Variants in SCNN1D observed in about 807,000 individuals in gnomAD.
The protein encoded by SCNN1D is sodium channel epithelial 1 subunit delta.
Under a neutral mutation model 87.8 loss-of-function variants are expected in SCNN1D, and 104 were observed. The observed-to-expected ratio is 1.18, with a 90% CI of 1.01 to 1.39. The LOEUF is 1.39. Among genes scored for constraint, SCNN1D ranks in the 40% most tolerant of loss-of-function variants. The pLI is 0.00. For synonymous variants in SCNN1D, 628 were observed against 481.2 expected (o/e 1.31, Z -3.99); for missense variants, 1,324 against 1,093.9 (o/e 1.21, Z -2.97).
Position 1,291,940 on chromosome 1 carries a change from T to G in SCNN1D, c.*330T>G. ...TGCACCTGTGTACGTGTGTCAAGCC[T>G]AGCCACCTCAGCTGCAGGGAGGCAG... On this transcript the variant is annotated 3_prime_UTR_variant, in exon 18 of 18. Coordinates refer to ENST00000379116, the MANE Select transcript of SCNN1D (RefSeq NM_001130413.4). 4.4e-6 allele frequency: 1 copy of G among 225,460 alleles called. No individual in the cohort carries two copies. Among genetic ancestry groups the G allele is most frequent in the Non-Finnish European group, 8.7e-6 (1 of 114,500 alleles). The allele number at this position is 225,460 out of a possible 1,614,324, so 14.0% of individuals were successfully genotyped here.
rs184736558 is a variant in SCNN1D at position 1,291,843 on chromosome 1, C to T, written c.*233C>T. 4.3e-4 allele frequency: 187 copies of T among 434,534 alleles called. No homozygotes were observed. The highest frequency in any genetic ancestry group is 1.5e-3 in the African/African-American group (73 of 49,372). The allele number at this position is 434,534 out of a possible 1,614,324, so 26.9% of individuals were successfully genotyped here. ...GGGGGTTCCCGCGTGCACACGAGTG[C>T]GGCTGGACGTGCCGACACGCGGTGA... On this transcript the variant is annotated 3_prime_UTR_variant, in exon 18 of 18. Transcript: ENST00000379116.
chr1:1,291,180 C>G, intron 17 of SCNN1D, 40 bp downstream of exon 17: 28 of 1,598,870 alleles, frequency 1.8e-5, no homozygotes, highest in Non-Finnish European at 2.4e-5. Flanking sequence ...GCGGGGGCAG[C>G]GACAGTGGCT....
At position 1,285,648 on chromosome 1, in the gene SCNN1D, C is replaced by A; in HGVS notation, c.542C>A (p.Ala181Asp). ...WQHRPTQHNA[A>D]CKQGQAAAQT... ...CACAGACCCACTCAGCACAACGCTG[C>A]CTGCAAACAGGGCCAGGTAGGGCCT... Residue 181 changes from alanine to aspartate, a missense_variant, in exon 6 of 18, where the codon GCC (alanine) becomes GAC (aspartate). Transcript: ENST00000379116. 1 of 1,545,858 alleles carries A rather than the reference C, an allele frequency of 6.5e-7. No individual in the cohort carries two copies.
In SCNN1D at chr1:1,291,258, C is replaced by G. The variant is rs898251425; in HGVS notation, c.2057C>G (p.Pro686Arg). 1.3e-6 allele frequency: 2 copies of G among 1,558,268 alleles called. No homozygotes were observed. The highest frequency in any genetic ancestry group is 1.7e-6 in the Non-Finnish European group (2 of 1,152,928). The change falls in exon 18 of 18, where the codon CCG becomes CGG. Residue 686 changes from proline (P) to arginine (R), a missense_variant. Coordinates refer to ENST00000379116, the MANE Select transcript of SCNN1D (RefSeq NM_001130413.4). The stretch of plus-strand genomic sequence containing the variant: ...ACACCCGCACCCCACCCGCAGGTGC[C>G]GCAGCTGCTCTCGGCCATGGGCAGC... ...SVEEAPVYSV[P>R]QLLSAMGSLC...
intron 4 of SCNN1D, 110 bp from the exon 5 acceptor site, chr1:1,283,868 T>C: frequency 1.9e-6 from 1 of 535,648 alleles, no homozygotes. Context: ...GATGGGCATC[T>C]CTGTCCCCCA....
At chr1:1,284,900 G>A (rs560603475) in intron 5 of SCNN1D, among the ~76,000 whole-genome samples, 2 of 152,272 alleles carry the variant, frequency 1.3e-5, no homozygotes, top group South Asian at 4.1e-4. Context: ...TGGCCCTCCA[G>A]ACCCCAATCC....
intron 12 of SCNN1D, 150 bp downstream of exon 12, chr1:1,288,187 G>C (rs1390695267): frequency 3.2e-6 from 2 of 628,378 alleles, no homozygotes; most frequent in Non-Finnish European, 5.5e-6. Context: ...CATCCCCCGT[G>C]TCCCCGCTCC....
intron 12 of SCNN1D, 49 bp downstream of exon 12, chr1:1,288,086 C>T (rs1570607932): frequency 4.0e-6 from 4 of 999,660 alleles, no homozygotes; most frequent in South Asian, 2.1e-5. Context: ...GCTGGGCTGG[C>T]CAGGGGGTGT....
rs370866963 is a variant in SCNN1D, at chr1:1,287,968, C to G, written c.1593C>G (p.Tyr531Ter). The G allele has an allele frequency of 1.6e-5, 24 of 1,546,690 alleles. No individual in the cohort carries two copies. Among genetic ancestry groups the G allele is most frequent in the Non-Finnish European group, 2.1e-5 (24 of 1,145,146 alleles). Residue 531 changes from tyrosine to a stop codon, truncating the protein, a stop_gained, in exon 12 of 18, where the codon TAC becomes TAG. Coordinates refer to ENST00000379116, the MANE Select transcript of SCNN1D (RefSeq NM_001130413.4). LOFTEE classifies it high-confidence loss of function. ...AGGTGCACCGGCTCGGGAGCCCCTA[C>G]GGCCACTGCACCGCCGGCGGGGAAG... ...EDEVHRLGSP[Y>*]GHCTAGGEGV...
chr1:1,282,042 G>C, intron 3 of SCNN1D, 200 bp from the exon 4 acceptor site: 1 of 596,400 alleles, frequency 1.7e-6, no homozygotes, highest in Non-Finnish European at 3.1e-6. Context: ...GCCCAGATGT[G>C]GTGGGGGAGA....
At position 1,290,912 on chromosome 1, in the gene SCNN1D, G is replaced by T. The variant is rs2273276; in HGVS notation, c.1935G>T (p.Thr645=). The T allele has an allele frequency of 1.2e-6, 2 of 1,609,516 alleles. No homozygotes were observed. Among genetic ancestry groups the T allele is most frequent in the African/African-American group, 1.3e-5 (1 of 74,866 alleles). Residue 645 remains threonine, a synonymous_variant, in exon 16 of 18, where the codon ACG becomes ACT. Coordinates refer to ENST00000379116, the MANE Select transcript of SCNN1D (RefSeq NM_001130413.4). Reference sequence around the variant, plus strand: ...GTCTGCAGGGATGGACTCTGGCCACGCTAGGTGAACAGGGGCTGCCGCATC... The same window carrying T: ...GTCTGCAGGGATGGACTCTGGCCACTCTAGGTGAACAGGGGCTGCCGCATC... ...SAKSAGWTLA[T]LGEQGLPHQS...
Position 1,287,311 on chromosome 1 carries a change from G to T in SCNN1D, c.1310+12G>T, listed in dbSNP as rs775936078. On this transcript the variant is annotated intron_variant, in intron 9 of 17. Coordinates refer to ENST00000379116, the MANE Select transcript of SCNN1D (RefSeq NM_001130413.4). Reference sequence around the variant, plus strand: ...GACTGCCAGGCCCGGTGAGTGTGGCGGGCGGGGGCCACTCCTTCCGTCCCA... The same window carrying T: ...GACTGCCAGGCCCGGTGAGTGTGGCTGGCGGGGGCCACTCCTTCCGTCCCA... 5 of 1,566,130 alleles carry T rather than the reference G, an allele frequency of 3.2e-6. No homozygotes were observed. Among genetic ancestry groups the T allele is most frequent in the Non-Finnish European group, 3.5e-6 (4 of 1,153,796 alleles).
chr1:1,288,077 C>A, intron 12 of SCNN1D, 40 bp downstream of exon 12: 1 of 507,100 alleles, frequency 2.0e-6, no homozygotes, highest in Non-Finnish European at 3.3e-6. Flanking sequence ...GCAGGTGAGG[C>A]TGGGCTGGCC....
At chr1:1,288,273 TCCCCCGA>T (rs1557584386) in intron 12 of SCNN1D, among the ~76,000 whole-genome samples, 135 of 59,896 alleles carry the variant, frequency 2.3e-3, no homozygotes, top group African/African-American at 4.6e-3. Flanking sequence ...CTCTGCTCCG[TCCCCCGA>T]GTCTCTGCTC....
chr1:1,284,329 T>TGGGGGGGG (rs1425319276), intron 5 of SCNN1D, among the ~76,000 whole-genome samples: 15 of 34,166 alleles, frequency 4.4e-4, no homozygotes, highest in African/African-American at 1.8e-3. Context: ...GGTGGGGGGG[T>TGGGGGGGG]GGGGCTGGCG....
Position 1,286,950 on chromosome 1 carries a change from G to T in SCNN1D, c.1094G>T (p.Ser365Ile). 6.2e-7 allele frequency: 1 copy of T among 1,612,402 alleles called. No individual in the cohort carries two copies. The highest frequency in any genetic ancestry group is 1.3e-5 in the African/African-American group (1 of 75,018). ...IRLQRLSHSG[S>I]RVRVGFRLCN... is the part of the protein sequence containing the mutation. ...CTGCAGAGGCTGAGCCACTCGGGCA[G>T]CCGGGTCAGAGTGGGGTTCAGACTG... The change falls in exon 8 of 18, where the codon AGC (serine) becomes ATC (isoleucine). Residue 365 changes from serine to isoleucine, a missense_variant. Ser to Ile is a moderately radical substitution (Grantham distance 142). Coordinates refer to ENST00000379116, the MANE Select transcript of SCNN1D (RefSeq NM_001130413.4).
intron 5 of SCNN1D, among the ~76,000 whole-genome samples, chr1:1,284,359 G>A (rs1181994866): frequency 7.3e-6 from 1 of 136,382 alleles, no homozygotes; most frequent in African/African-American, 2.8e-5. Flanking sequence ...CCACCTTGAG[G>A]TACCAGGGGC....
At position 1,291,686 on chromosome 1, in the gene SCNN1D, C is replaced by G; in HGVS notation, c.*76C>G. On this transcript the variant is annotated 3_prime_UTR_variant, in exon 18 of 18. Transcript: ENST00000379116. The stretch of plus-strand genomic sequence containing the variant: ...GGCAGCAGCAGGCTCCCCAGCGGCC[C>G]AGGGTGGGCCAGACCAGCAGCCCAG... 5.2e-6 allele frequency: 6 copies of G among 1,159,438 alleles called. No homozygotes were observed. In the South Asian group the frequency reaches 6.6e-5, roughly 13 times the overall value. The allele number at this position is 1,159,438 out of a possible 1,614,324, so 71.8% of individuals were successfully genotyped here.
intron 12 of SCNN1D, among the ~76,000 whole-genome samples, chr1:1,288,284 T>C (rs1208532720): frequency 1.1e-3 from 94 of 83,998 alleles, no homozygotes; most frequent in South Asian, 1.8e-3. Flanking sequence ...CCCCCGAGTC[T>C]CTGCTCCGTC....
Sources: allele counts gnomAD v4.1 joint callset (sites outside exome capture counted in the v4.1 genomes callset), GRCh38; gene constraint gnomAD v4.1.1; transcripts MANE v1.5; gene names NCBI Gene and HGNC (gene_info 2026-07-23, HGNC 2026-07-21).